Variants in CADM2 observed in about 807,000 individuals in gnomAD.
The protein encoded by CADM2 is immunoglobulin superfamily member 4D.
Under a neutral mutation model 49.8 loss-of-function variants are expected in CADM2, and 12 were observed. That is an observed-to-expected ratio of 0.24 (90% CI 0.15 to 0.39). The LOEUF (loss-of-function observed/expected upper bound fraction) is 0.39. Among genes scored for constraint, CADM2 ranks in the 10% least tolerant of loss-of-function variants. The probability of loss-of-function intolerance (pLI) is 1.00; values close to 1 mark genes in which losing one functional copy is unlikely to be tolerated. For missense variants in CADM2, 378 were observed against 492.3 expected, an observed-to-expected ratio of 0.77 and a Z score of 2.20; for synonymous variants, 214 against 175.4, an observed-to-expected ratio of 1.22 and a Z score of -1.74.
At chr3:85,491,846 G>T (rs1441438603) in intron 1 of CADM2, among the ~76,000 whole-genome samples, 2 of 151,952 alleles carry the variant, frequency 1.3e-5, no homozygotes, top group African/African-American at 4.8e-5. Context: ...CAGCTACTCC[G>T]GAGGCTGAGA....
chr3:85,846,871 A>T (rs1203659573), intron 3 of CADM2, among the ~76,000 whole-genome samples: 1 of 152,162 alleles, frequency 6.6e-6, no homozygotes, highest in Admixed American at 6.5e-5. Context: ...CTAAATAAAT[A>T]AATTAAAATA....
At chr3:84,992,298 A>C (rs6796144) in intron 1 of CADM2, among the ~76,000 whole-genome samples, 3 of 152,150 alleles carry the variant, frequency 2.0e-5, no homozygotes, top group African/African-American at 7.2e-5. Context: ...ACCCTTACTT[A>C]TTGAATTTAC....
chr3:85,325,487 G>C (rs1180798279), intron 1 of CADM2, among the ~76,000 whole-genome samples: 1 of 152,008 alleles, frequency 6.6e-6, no homozygotes, highest in Non-Finnish European at 1.5e-5. Context: ...CGAGGCAGGC[G>C]GATCATGAGG....
At chr3:85,992,900 C>T (rs1728958448) in intron 8 of CADM2, 1 of 152,036 alleles carries the variant, frequency 6.6e-6, no homozygotes, top group Non-Finnish European at 1.5e-5. Flanking sequence ...TATTCTTTTC[C>T]TGAAAATTTC....
At chr3:85,292,209 T>C (rs1392293894) in intron 1 of CADM2, among the ~76,000 whole-genome samples, 1 of 149,088 alleles carries the variant, frequency 6.7e-6, no homozygotes, top group African/African-American at 2.6e-5. Flanking sequence ...TACATAATGG[T>C]AAAGGGATCA....
chr3:85,154,341 G>A lies in CADM2; in HGVS notation c.61+194673G>A, dbSNP rs1008102298. Among the ~76,000 whole-genome samples, 149 of 152,258 alleles carry A rather than the reference G, an allele frequency of 9.8e-4. 2 individuals are homozygous for A. The highest frequency in any genetic ancestry group is 1.0e-3 in the Admixed American group (16 of 15,288). On this transcript the variant is annotated intron_variant, in intron 1 of 9. Transcript: ENST00000383699. ...ATCAACTGGAAGAAAGGGTATCAGCGATGGAAGATGAAATGAATGAAATGA... is the reference window on the plus strand; with the variant it reads ...ATCAACTGGAAGAAAGGGTATCAGCAATGGAAGATGAAATGAATGAAATGA...
intron 1 of CADM2, among the ~76,000 whole-genome samples, chr3:85,217,090 A>C (rs2041944366): frequency 6.6e-6 from 1 of 151,960 alleles, no homozygotes; most frequent in Admixed American, 6.6e-5. Context: ...CTAAAATATT[A>C]AGTGATTGGT....
In CADM2 at chr3:85,568,510, T is replaced by TCTTTCTTTCTTTCTTC. The variant is rs2062378395; in HGVS notation, c.62-158007_62-158006insTTTCTTTCTTCCTTTC. On this transcript the variant is annotated intron_variant, in intron 1 of 9. Coordinates refer to ENST00000383699, the MANE Select transcript of CADM2 (RefSeq NM_001167675.2). ...TTCTTTCTTTCTTTCTTTCTTTCTTTCTTTCCTCCCTCCCTCCCTCTCTCT... is the reference window on the plus strand; with the variant it reads ...TTCTTTCTTTCTTTCTTTCTTTCTTTCTTTCTTTCTTTCTTCCTTTCCTCCCTCCCTCCCTCTCTCT... Among the ~76,000 whole-genome samples, 2 of 146,330 alleles carry TCTTTCTTTCTTTCTTC rather than the reference T, an allele frequency of 1.4e-5. 1 individual carries two copies. Among genetic ancestry groups the TCTTTCTTTCTTTCTTC allele is most frequent in the Non-Finnish European group, 3.0e-5 (2 of 67,238 alleles).
chr3:86,064,518 G>A (rs1369287345), intron 8 of CADM2, among the ~76,000 whole-genome samples: 5 of 152,136 alleles, frequency 3.3e-5, no homozygotes, highest in Admixed American at 3.3e-4. Flanking sequence ...ATAAACATGT[G>A]TGTGCACGTG....
At chr3:85,031,335 A>C (rs1576073417) in intron 1 of CADM2, among the ~76,000 whole-genome samples, 1 of 152,152 alleles carries the variant, frequency 6.6e-6, no homozygotes, top group South Asian at 2.1e-4. Flanking sequence ...CTGGAAGGTG[A>C]ATGTGGAGAT....
At chr3:85,175,574 A>G (rs2040760151) in intron 1 of CADM2, among the ~76,000 whole-genome samples, 1 of 152,140 alleles carries the variant, frequency 6.6e-6, no homozygotes, top group Non-Finnish European at 1.5e-5. Context: ...GGTGGTTACC[A>G]AGGGCTGGTG....
At chr3:85,732,062 A>G (rs1442479239) in intron 2 of CADM2, among the ~76,000 whole-genome samples, 1 of 143,690 alleles carries the variant, frequency 7.0e-6, no homozygotes, top group Admixed American at 7.2e-5. Flanking sequence ...AGGCTGGCCA[A>G]CATGGTGAAA....
At position 85,038,893 on chromosome 3, in the gene CADM2, A is replaced by T. The variant is rs556198878; in HGVS notation, c.61+79225A>T. On this transcript the variant is annotated intron_variant, in intron 1 of 9. Transcript: ENST00000383699. ...CATTATAAATAAATGCAAATGTAAC[A>T]ACTTTTTCATCCCCTTGTCATTATA... is the stretch of plus-strand genomic sequence containing the variant. Among the ~76,000 whole-genome samples, 7 of 152,310 alleles carry T rather than the reference A, an allele frequency of 4.6e-5. No individual in the cohort carries two copies. In the East Asian group the frequency reaches 1.3e-3, roughly 29 times the overall value.
chr3:86,014,582 A>G, intron 8 of CADM2: 1 of 1,600,628 alleles, frequency 6.2e-7, no homozygotes, highest in African/African-American at 1.3e-5. Context: ...GTGTCCCAAC[A>G]GTGGAGCACA....
intron 1 of CADM2, among the ~76,000 whole-genome samples, chr3:85,259,398 T>A (rs978790406): frequency 2.3e-5 from 2 of 88,850 alleles, no homozygotes; most frequent in Non-Finnish European, 4.4e-5. Flanking sequence ...TCTTTAAGAA[T>A]TGTTTAATTT....
intron 8 of CADM2, chr3:86,014,453 C>A: frequency 1.3e-6 from 2 of 1,492,066 alleles, no homozygotes; most frequent in South Asian, 1.4e-5. Context: ...TTGAGGAAGC[C>A]ACAAATTTGG....
At chr3:85,796,377 G>A (rs1481369966) in intron 2 of CADM2, among the ~76,000 whole-genome samples, 1 of 152,098 alleles carries the variant, frequency 6.6e-6, no homozygotes, top group East Asian at 1.9e-4. Context: ...AAGATTGATA[G>A]TTCTCCATGT....
chr3:85,282,847 A>G (rs554133494), intron 1 of CADM2, among the ~76,000 whole-genome samples: 1 of 152,222 alleles, frequency 6.6e-6, no homozygotes, highest in South Asian at 2.1e-4. Context: ...CAGGGTGACT[A>G]TACTAAAAAA....
intron 2 of CADM2, among the ~76,000 whole-genome samples, chr3:85,777,501 C>T (rs2070416850): frequency 6.6e-6 from 1 of 151,974 alleles, no homozygotes; most frequent in Non-Finnish European, 1.5e-5. Context: ...GTGATCAGCC[C>T]GCCTTGGGCT....
Sources: allele counts gnomAD v4.1 joint callset (sites outside exome capture counted in the v4.1 genomes callset), GRCh38; gene constraint gnomAD v4.1.1; transcripts MANE v1.5; gene names NCBI Gene and HGNC (gene_info 2026-07-23, HGNC 2026-07-21).